The following C19orf44 variants were observed in gnomAD, a reference collection of about 807,000 sequenced individuals.
The protein encoded by C19orf44 is uncharacterized protein C19orf44.
C19orf44 carries 43 observed loss-of-function variants against 50.7 expected under a neutral mutation model. That is an observed-to-expected ratio of 0.85 (90% CI 0.66 to 1.09). The LOEUF is 1.09. Among genes scored for constraint, C19orf44 ranks in the 50% least tolerant of loss-of-function variants. The probability of loss-of-function intolerance (pLI) is 0.00; values close to 1 mark genes in which losing one functional copy is unlikely to be tolerated. For synonymous variants in C19orf44, 298 were observed against 334.7 expected (o/e 0.89, Z 1.20); for missense variants, 722 against 836.2 (o/e 0.86, Z 1.68).
intron 2 of C19orf44, among the ~76,000 whole-genome samples, chr19:16,502,510 T>C (rs2093428437): frequency 6.6e-6 from 1 of 152,276 alleles, no homozygotes; most frequent in African/African-American, 2.4e-5. Flanking sequence ...TGCCGGGATT[T>C]ACAGGCGTGA....
In C19orf44 at chr19:16,501,140, G is replaced by A. The variant is rs543362543; in HGVS notation, c.348G>A (p.Thr116=). 6.2e-6 allele frequency: 10 copies of A among 1,614,054 alleles called. No homozygotes were observed. The highest frequency in any genetic ancestry group is 2.2e-5 in the East Asian group (1 of 44,878). The change falls in exon 2 of 9, where the codon ACG becomes ACA. Residue 116 remains threonine, a synonymous_variant. Transcript: ENST00000221671. ...AGCTGCAGAGGAATTTGTCTGACAC[G>A]GAATCTGACTCAATGACCGCCGATG... ...NRKLQRNLSD[T]ESDSMTADAG... is the part of the protein sequence containing the mutation.
chr19:16,519,810 GCTCA>G lies in C19orf44; in HGVS notation c.*41-281_*41-278del, dbSNP rs1484271564. On this transcript the variant is annotated intron_variant, in intron 8 of 8. Coordinates refer to ENST00000221671, the MANE Select transcript of C19orf44 (RefSeq NM_032207.4). This position sits in a 1 kb window ranked among gnomAD's most constrained non-coding sequence, Gnocchi z 6.0. ...CCTCACAGCCGCAGCTTGCGTGCAT[GCTCA>G]CTGTCACCAGGTGACACCGTATGCA... 32 of 1,064,778 alleles carry G rather than the reference GCTCA, an allele frequency of 3.0e-5. No individual in the cohort carries two copies. Among genetic ancestry groups the G allele is most frequent in the Admixed American group, 1.0e-4 (6 of 58,766 alleles). The allele number at this position is 1,064,778 out of a possible 1,614,324, so 66.0% of individuals were successfully genotyped here.
intron 1 of C19orf44, among the ~76,000 whole-genome samples, chr19:16,500,191 A>T (rs1166007840): frequency 6.6e-6 from 1 of 151,894 alleles, no homozygotes; most frequent in Non-Finnish European, 1.5e-5. Context: ...GGCCTCCTAA[A>T]CTGCTGGCAT....
chr19:16,513,340 G>A (rs1445998738), intron 6 of C19orf44, among the ~76,000 whole-genome samples: 1 of 152,100 alleles, frequency 6.6e-6, no homozygotes, highest in East Asian at 1.9e-4. Flanking sequence ...AAAACAAGAG[G>A]GTGAAGAGTG....
intron 5 of C19orf44, 157 bp downstream of exon 5, chr19:16,510,145 G>A (rs770667134): frequency 5.4e-6 from 6 of 1,111,526 alleles, no homozygotes; most frequent in African/African-American, 1.6e-5. Context: ...GGTGGCTCAC[G>A]CCTGTAATCC....
intron 4 of C19orf44, among the ~76,000 whole-genome samples, chr19:16,507,986 T>C (rs2093445240): frequency 1.3e-5 from 2 of 151,514 alleles, no homozygotes; most frequent in South Asian, 4.2e-4. Context: ...TTTGTATTTT[T>C]AGTAGAGATG....
chr19:16,515,634 ATTC>A (rs1229727834), intron 7 of C19orf44, among the ~76,000 whole-genome samples: 2 of 151,714 alleles, frequency 1.3e-5, no homozygotes, highest in African/African-American at 4.8e-5. Context: ...GGATCAAGCG[ATTC>A]TTCTACCTCA....
At chr19:16,507,305 T>G (rs1321360141) in intron 4 of C19orf44, among the ~76,000 whole-genome samples, 2 of 152,082 alleles carry the variant, frequency 1.3e-5, no homozygotes, top group African/African-American at 4.8e-5. Context: ...AAGCCGCCCA[T>G]GACAACATCT....
At chr19:16,513,180 C>G in intron 6 of C19orf44, 71 bp downstream of exon 6, 1 of 1,453,178 alleles carries the variant, frequency 6.9e-7, no homozygotes, top group Non-Finnish European at 9.5e-7. Flanking sequence ...GATTCACACC[C>G]ACTCTGGAGG....
At position 16,520,639 on chromosome 19, in the gene C19orf44, C is replaced by T. The variant is rs553914135; in HGVS notation, c.*586C>T. ...GGATGTGGCGCCATAGCCACAGCAACGGTACCAAGTTCCTAAATAGTGTGG... is the reference window on the plus strand; with the variant it reads ...GGATGTGGCGCCATAGCCACAGCAATGGTACCAAGTTCCTAAATAGTGTGG... On this transcript the variant is annotated 3_prime_UTR_variant, in exon 9 of 9. Coordinates refer to ENST00000221671, the MANE Select transcript of C19orf44 (RefSeq NM_032207.4). The surrounding 1 kb of genome is among the most constrained non-coding windows in gnomAD (Gnocchi z 4.0). The T allele has an allele frequency of 7.1e-4, 859 of 1,216,600 alleles. 2 individuals are homozygous for T. Among genetic ancestry groups the T allele is most frequent in the Non-Finnish European group, 9.1e-4 (782 of 854,696 alleles). The allele number at this position is 1,216,600 out of a possible 1,614,324, so 75.4% of individuals were successfully genotyped here.
intron 5 of C19orf44, among the ~76,000 whole-genome samples, chr19:16,511,915 C>T (rs374590001): frequency 6.7e-6 from 1 of 149,268 alleles, no homozygotes; most frequent in African/African-American, 2.5e-5. Flanking sequence ...CTCGGGAGGC[C>T]GAGGCACAAG....
rs1322255850 is a variant in C19orf44 at position 16,520,977 on chromosome 19, T to C, written c.*924T>C. On this transcript the variant is annotated 3_prime_UTR_variant, in exon 9 of 9. Transcript: ENST00000221671. This position sits in a 1 kb window ranked among gnomAD's most constrained non-coding sequence, Gnocchi z 4.0. ...CACCCACAAGGAAGTCGTGAAAAAG[T>C]CATCAGGAGTTAATCCACAGAACCT... 9 of 1,369,136 alleles carry C rather than the reference T, an allele frequency of 6.6e-6. No homozygotes were observed. In the African/African-American group the frequency reaches 1.3e-4, roughly 19 times the overall value. The allele number at this position is 1,369,136 out of a possible 1,614,324, so 84.8% of individuals were successfully genotyped here. A position where few individuals can be genotyped will look rare whatever the true frequency, so the allele number is the denominator to read the frequency against.
chr19:16,521,314 T>C lies in C19orf44; in HGVS notation c.*1261T>C. 1.7e-6 allele frequency: 1 copy of C among 578,022 alleles called. No homozygotes were observed. The highest frequency in any genetic ancestry group is 2.3e-5 in the South Asian group (1 of 42,840). 35.8% of individuals were successfully genotyped at this position (578,022 alleles called of 1,614,324 possible). A position where few individuals can be genotyped will look rare whatever the true frequency, so the allele number is the denominator to read the frequency against. ...CCGCCGTGCCACACCTTCCCTAACT[T>C]CTTCTGATGTGTCTCCATTAAAACG... On this transcript the variant is annotated 3_prime_UTR_variant, in exon 9 of 9. Transcript: ENST00000221671.
chr19:16,514,149 G>A (rs2093465050), intron 6 of C19orf44, among the ~76,000 whole-genome samples: 1 of 150,876 alleles, frequency 6.6e-6, no homozygotes, highest in African/African-American at 2.4e-5. Context: ...CACTACACCT[G>A]GCTAATTTTT....
intron 4 of C19orf44, among the ~76,000 whole-genome samples, chr19:16,509,234 A>C (rs1489007431): frequency 1.3e-5 from 2 of 152,068 alleles, no homozygotes; most frequent in African/African-American, 4.8e-5. Context: ...TAAAGTCCTT[A>C]AGTCCATGAT....
At chr19:16,501,593 A>G in intron 2 of C19orf44, 42 bp downstream of exon 2, 1 of 1,260,770 alleles carries the variant, frequency 7.9e-7, no homozygotes, top group Non-Finnish European at 1.0e-6. Context: ...TAATTTATTT[A>G]ATTTAATTTT....
chr19:16,501,124 G>A lies in C19orf44; in HGVS notation c.332G>A (p.Arg111Lys), dbSNP rs765429207. 9 of 1,614,112 alleles carry A rather than the reference G, an allele frequency of 5.6e-6. No homozygotes were observed. The highest frequency in any genetic ancestry group is 7.6e-6 in the Non-Finnish European group (9 of 1,180,028). Residue 111 changes from arginine (R) to lysine (K), a missense_variant, in exon 2 of 9, where the codon AGG becomes AAG. By Grantham distance (26) the Arg-to-Lys change is conservative. Coordinates refer to ENST00000221671, the MANE Select transcript of C19orf44 (RefSeq NM_032207.4). ...ETRIMNRKLQ[R>K]NLSDTESDSM... ...CGGATCATGAATCGGAAGCTGCAGA[G>A]GAATTTGTCTGACACGGAATCTGAC...
At chr19:16,512,978 C>G (rs755583334) in intron 5 of C19orf44, 36 bp from the exon 6 acceptor site, 1 of 1,584,422 alleles carries the variant, frequency 6.3e-7, no homozygotes, top group South Asian at 1.1e-5. Context: ...TTCTCTGCGT[C>G]CTGCCTGCTT....
intron 7 of C19orf44, 109 bp downstream of exon 7, chr19:16,514,772 G>A: frequency 2.4e-6 from 3 of 1,271,242 alleles, no homozygotes; most frequent in Admixed American, 6.5e-5. Context: ...GCTCAGCCCA[G>A]GGCTGCAGGG....
Sources: allele counts gnomAD v4.1 joint callset (sites outside exome capture counted in the v4.1 genomes callset), GRCh38; gene constraint gnomAD v4.1.1; non-coding constraint Gnocchi (gnomAD v3.1); transcripts MANE v1.5; gene names NCBI Gene and HGNC (gene_info 2026-07-23, HGNC 2026-07-21).